GUSB: variants seen among roughly 807,000 people sequenced by gnomAD.
The protein encoded by GUSB is beta-glucuronidase.
A neutral mutation model predicts 74.6 loss-of-function variants in GUSB; 51 were observed. The observed-to-expected ratio is 0.68, with a 90% CI of 0.55 to 0.86. The LOEUF is 0.86. GUSB is among the 40% of genes least tolerant of loss of function. The pLI is 0.00. For synonymous variants in GUSB, 360 were observed against 348.3 expected, an observed-to-expected ratio of 1.03 and a Z score of -0.37; for missense variants, 736 against 853.7, an observed-to-expected ratio of 0.86 and a Z score of 1.72.
At position 65,981,963 on chromosome 7, in the gene GUSB, C is replaced by G. The variant is rs886062403; in HGVS notation, c.210+11G>C. Reference sequence around the variant, plus strand: ...TTTCGGGCGCCTCCCGGCCCTGCCCCGAGATCGCACCTCCCACAGCGGCCG... The same window carrying G: ...TTTCGGGCGCCTCCCGGCCCTGCCCGGAGATCGCACCTCCCACAGCGGCCG... On this transcript the variant is annotated intron_variant, in intron 1 of 11. Transcript: ENST00000304895. 54 of 1,602,584 alleles carry G rather than the reference C, an allele frequency of 3.4e-5. No individual in the cohort carries two copies. Among genetic ancestry groups the G allele is most frequent in the Non-Finnish European group, 4.3e-5 (51 of 1,177,172 alleles).
rs1010010852 is a variant in GUSB, at chr7:65,979,812, G to T, written c.496C>A (p.Leu166Ile). 1 of 1,613,646 alleles carries T rather than the reference G, an allele frequency of 6.2e-7. No homozygotes were observed. Among genetic ancestry groups the T allele is most frequent in the Non-Finnish European group, 8.5e-7 (1 of 1,179,974 alleles). The change falls in exon 3 of 12, where the codon CTC (leucine) becomes ATC (isoleucine). Residue 166 changes from leucine to isoleucine, a missense_variant. Physicochemically the swap from Leu to Ile is conservative, Grantham distance 5. This residue lies in a region of GUSB where 368 missense variants were observed against 363.8 expected (regional missense o/e 1.01). Coordinates refer to ENST00000304895, the MANE Select transcript of GUSB (RefSeq NM_000181.4). ...LVQVGPLPSR[L>I]RITIAINNTL... The stretch of plus-strand genomic sequence containing the variant: ...TTGTTGATGGCGATAGTGATTCGGA[G>T]CCGGGAGGGCAGGGGCCCCACCTGG...
intron 1 of GUSB, 68 bp downstream of exon 1, chr7:65,981,906 G>A: frequency 7.4e-7 from 1 of 1,356,622 alleles, no homozygotes; most frequent in Non-Finnish European, 1.0e-6. Context: ...AGTCTGCGGG[G>A]GGCCCGGGCT....
chr7:65,981,883 GC>G, intron 1 of GUSB, 90 bp downstream of exon 1: 1 of 1,157,382 alleles, frequency 8.6e-7, no homozygotes, highest in South Asian at 1.5e-5. Flanking sequence ...GCTCGGAGAC[GC>G]CCAGGGGAAG....
At chr7:65,971,919 A>G (rs1791238222) in intron 8 of GUSB, among the ~76,000 whole-genome samples, 1 of 151,760 alleles carries the variant, frequency 6.6e-6, no homozygotes, top group Non-Finnish European at 1.5e-5. Context: ...CATGCCTGTA[A>G]TCCCAGCTAC....
chr7:65,960,803 T>C lies in GUSB; in HGVS notation c.*94A>G, dbSNP rs536903750. On this transcript the variant is annotated 3_prime_UTR_variant, in exon 12 of 12. Transcript: ENST00000304895. ...AAAACCCAGGCCAGAAACGTTCTGG[T>C]CTGCCGTGAACAGTCCAGGAGGCAC... 1,352 of 1,007,184 alleles carry C rather than the reference T, an allele frequency of 1.3e-3. 4 individuals are homozygous for C. Among genetic ancestry groups the C allele is most frequent in the Non-Finnish European group, 1.8e-3 (1,159 of 627,688 alleles). 62.4% of individuals were successfully genotyped at this position (1,007,184 alleles called of 1,614,324 possible). A position where few individuals can be genotyped will look rare whatever the true frequency, so the allele number is the denominator to read the frequency against.
intron 10 of GUSB, among the ~76,000 whole-genome samples, chr7:65,967,278 G>C (rs1411866580): frequency 6.6e-6 from 1 of 152,060 alleles, no homozygotes; most frequent in African/African-American, 2.4e-5. Context: ...AACATGGCAA[G>C]ACCCCATCTC....
chr7:65,980,184 T>TCTC, intron 2 of GUSB, 40 bp downstream of exon 2: 2 of 720,096 alleles, frequency 2.8e-6, no homozygotes, highest in Non-Finnish European at 2.5e-6. Flanking sequence ...TCAGCAGCCG[T>TCTC]GCCCCCCCAC....
intron 3 of GUSB, 77 bp downstream of exon 3, chr7:65,979,650 C>T: frequency 1.3e-6 from 2 of 1,590,626 alleles, no homozygotes; most frequent in Non-Finnish European, 1.7e-6. Flanking sequence ...CTGTGAAGGC[C>T]ACCCAGTCCC....
intron 11 of GUSB, 175 bp downstream of exon 11, chr7:65,964,148 A>G: frequency 1.4e-6 from 1 of 698,966 alleles, no homozygotes; most frequent in Non-Finnish European, 2.6e-6. Flanking sequence ...TTGCTTTCCT[A>G]CTTCCTAAAC....
chr7:65,962,782 G>A (rs1194075816), intron 11 of GUSB, among the ~76,000 whole-genome samples: 1 of 151,928 alleles, frequency 6.6e-6, no homozygotes, highest in African/African-American at 2.4e-5. Flanking sequence ...TGAGGCAGGA[G>A]AATTGCTTGA....
At chr7:65,978,613 A>T (rs1431418824) in intron 4 of GUSB, among the ~76,000 whole-genome samples, 1 of 151,438 alleles carries the variant, frequency 6.6e-6, no homozygotes, top group Non-Finnish European at 1.5e-5. Context: ...ACTAAAAAAA[A>T]ATAGAAAAAT....
chr7:65,970,916 A>C (rs1261938853), intron 8 of GUSB, among the ~76,000 whole-genome samples: 1 of 146,628 alleles, frequency 6.8e-6, no homozygotes, highest in Non-Finnish European at 1.5e-5. Context: ...ACAAAGGGGA[A>C]AAAAAAAAAA....
rs1011311679 is a variant in GUSB at position 65,960,772 on chromosome 7, G to T, written c.*125C>A. The T allele has an allele frequency of 1.0e-5, 8 of 797,778 alleles. No individual in the cohort carries two copies. The highest frequency in any genetic ancestry group is 8.4e-5 in the African/African-American group (5 of 59,252). 49.4% of individuals were successfully genotyped at this position (797,778 alleles called of 1,614,324 possible). ...TTTAGTGTTCCCTGCTAGAATAGAT[G>T]ACCACAAAACCCAGGCCAGAAACGT... On this transcript the variant is annotated 3_prime_UTR_variant, in exon 12 of 12. Transcript: ENST00000304895.
chr7:65,971,330 C>T (rs1791195728), intron 8 of GUSB, among the ~76,000 whole-genome samples: 1 of 152,222 alleles, frequency 6.6e-6, no homozygotes, highest in Admixed American at 6.5e-5. Context: ...AAGTGCCGGG[C>T]AAGGCGGCTC....
At chr7:65,980,446 C>T (rs1485538543) in intron 1 of GUSB, 37 bp from the exon 2 acceptor site, 1 of 1,581,360 alleles carries the variant, frequency 6.3e-7, no homozygotes, top group Admixed American at 1.8e-5. Flanking sequence ...TCCTAGGCCC[C>T]CAAAAGGGTC....
In GUSB at chr7:65,980,278, GTCCTGGGTCCATCGC is replaced by G; in HGVS notation, c.327_341del (p.Glu109_Gln113del). On this transcript the variant is annotated inframe_deletion, in exon 2 of 12. Coordinates refer to ENST00000304895, the MANE Select transcript of GUSB (RefSeq NM_000181.4). The stretch of plus-strand genomic sequence containing the variant: ...TCCTCAGCACCACTCTTGTGCGCAG[GTCCTGGGTCCATCGC>G]TCCGGCAGGATCACCTCCCGTTCGT... The G allele has an allele frequency of 1.2e-6, 2 of 1,612,384 alleles. No homozygotes were observed. Among genetic ancestry groups the G allele is most frequent in the Non-Finnish European group, 1.7e-6 (2 of 1,179,286 alleles).
chr7:65,972,454 G>A (rs559019081), intron 8 of GUSB, among the ~76,000 whole-genome samples: 9 of 152,218 alleles, frequency 5.9e-5, no homozygotes, highest in East Asian at 1.9e-4. Context: ...GTGAGCCACC[G>A]CACCCAGCCT....
chr7:65,974,773 C>G, intron 6 of GUSB, 69 bp from the exon 7 acceptor site: 1 of 1,580,936 alleles, frequency 6.3e-7, no homozygotes, highest in South Asian at 1.1e-5. Flanking sequence ...AGCCAGGACC[C>G]TGGAGAGCCA....
At chr7:65,962,861 A>C (rs1790588443) in intron 11 of GUSB, among the ~76,000 whole-genome samples, 1 of 140,476 alleles carries the variant, frequency 7.1e-6, no homozygotes, top group Admixed American at 7.1e-5. Context: ...AACGAGCAAA[A>C]CTCCGTCTCA....
Sources: allele counts gnomAD v4.1 joint callset (sites outside exome capture counted in the v4.1 genomes callset), GRCh38; gene constraint gnomAD v4.1.1; regional missense constraint gnomAD v4.1.1; transcripts MANE v1.5; gene names NCBI Gene and HGNC (gene_info 2026-07-23, HGNC 2026-07-21).